Variants in FGGY observed in about 807,000 individuals in gnomAD.
FGGY encodes FGGY carbohydrate kinase domain containing, also known as FGGY carbohydrate kinase domain-containing protein.
FGGY carries 72 observed loss-of-function variants against 71.3 expected under a neutral mutation model. The observed-to-expected ratio is 1.01, with a 90% CI of 0.84 to 1.23. The LOEUF (loss-of-function observed/expected upper bound fraction) is 1.23, where lower values mean the gene tolerates loss of function less well. Among genes scored for constraint, FGGY ranks in the 50% most tolerant of loss-of-function variants. FGGY has a pLI of 0.00. For missense variants in FGGY, 668 were observed against 682.3 expected (o/e 0.98, Z 0.23); for synonymous variants, 251 against 250.3 (o/e 1.00, Z -0.02).
At chr1:59,627,455 TA>T (rs2096867877) in intron 10 of FGGY, among the ~76,000 whole-genome samples, 3 of 11,330 alleles carry the variant, frequency 2.6e-4, no homozygotes, top group Non-Finnish European at 1.5e-3. Context: ...CTTATGATTT[TA>T]TATATATATA....
chr1:59,483,217 G>A (rs960866798), intron 6 of FGGY, among the ~76,000 whole-genome samples: 12 of 152,166 alleles, frequency 7.9e-5, no homozygotes, highest in African/African-American at 2.9e-4. Context: ...TGCCAAGTTT[G>A]TTGGTTAGCC....
intron 6 of FGGY, among the ~76,000 whole-genome samples, chr1:59,484,684 A>G (rs563174786): frequency 3.9e-5 from 6 of 152,200 alleles, no homozygotes; most frequent in Non-Finnish European, 7.3e-5. Context: ...GATAATCCAT[A>G]ATTAATATGA....
chr1:59,734,957 G>A (rs1279750430), intron 14 of FGGY, among the ~76,000 whole-genome samples: 1 of 152,180 alleles, frequency 6.6e-6, no homozygotes, highest in Non-Finnish European at 1.5e-5. Flanking sequence ...GATAAGTTTG[G>A]TTTCTGCAAA....
chr1:59,727,730 G>A (rs2100823549), intron 14 of FGGY, among the ~76,000 whole-genome samples: 1 of 152,228 alleles, frequency 6.6e-6, no homozygotes, highest in Non-Finnish European at 1.5e-5. Flanking sequence ...AAAAGAGCCT[G>A]AATAGCCAAA....
At position 59,669,366 on chromosome 1, in the gene FGGY, C is replaced by T. The variant is rs189897395; in HGVS notation, c.1417+1963C>T. On this transcript the variant is annotated intron_variant, in intron 13 of 15. Coordinates refer to ENST00000303721, the MANE Select transcript of FGGY (RefSeq NM_018291.5). Reference sequence around the variant, plus strand: ...CGCCACTTTCCTGAGATGTCCAAAACCCTATAGAAGTGGGCCGTTCAAAGC... The same window carrying T: ...CGCCACTTTCCTGAGATGTCCAAAATCCTATAGAAGTGGGCCGTTCAAAGC... Among the ~76,000 whole-genome samples the T allele has an allele frequency of 2.2e-3, 335 of 152,100 alleles. 2 individuals carry two copies. The highest frequency in any genetic ancestry group is 2.6e-3 in the Non-Finnish European group (175 of 67,988).
At chr1:59,439,987 T>G (rs2069390720) in intron 5 of FGGY, among the ~76,000 whole-genome samples, 1 of 151,962 alleles carries the variant, frequency 6.6e-6, no homozygotes, top group Non-Finnish European at 1.5e-5. Flanking sequence ...TCAAATGATA[T>G]GTGGTGGTAT....
At chr1:59,456,882 C>T in intron 5 of FGGY, 79 bp from the exon 6 acceptor site, 1 of 874,254 alleles carries the variant, frequency 1.1e-6, no homozygotes. Flanking sequence ...CTGCAGATAC[C>T]TGGACGGGTA....
chr1:59,720,224 T>C (rs1312377455), intron 14 of FGGY, among the ~76,000 whole-genome samples: 3 of 152,212 alleles, frequency 2.0e-5, no homozygotes, highest in Admixed American at 6.5e-5. Flanking sequence ...ACTCACCCAA[T>C]GCATGCTTTG....
At chr1:59,553,962 G>C in intron 7 of FGGY, 162 bp from the exon 8 acceptor site, 1 of 504,904 alleles carries the variant, frequency 2.0e-6, no homozygotes, top group Non-Finnish European at 3.5e-6. Flanking sequence ...ATGCAGGCAA[G>C]TATGCCCTTT....
intron 1 of FGGY, among the ~76,000 whole-genome samples, chr1:59,312,502 T>C (rs2044531603): frequency 6.6e-6 from 1 of 152,216 alleles, no homozygotes; most frequent in African/African-American, 2.4e-5. Context: ...GAAGGCATTA[T>C]AAACAAGTAA....
At chr1:59,337,158 G>A (rs897379415) in intron 2 of FGGY, among the ~76,000 whole-genome samples, 1 of 151,448 alleles carries the variant, frequency 6.6e-6, no homozygotes, top group African/African-American at 2.4e-5. Context: ...AATGCCAGTA[G>A]TGTGGCTCAG....
chr1:59,340,734 A>T (rs1210973240), intron 3 of FGGY, among the ~76,000 whole-genome samples: 3 of 152,222 alleles, frequency 2.0e-5, no homozygotes, highest in Non-Finnish European at 4.4e-5. Flanking sequence ...TACAAACCCG[A>T]AAGTCTATTA....
intron 8 of FGGY, among the ~76,000 whole-genome samples, chr1:59,575,412 G>T (rs187254608): frequency 6.6e-6 from 1 of 152,094 alleles, no homozygotes; most frequent in Admixed American, 6.6e-5. Context: ...CTCCAGGATC[G>T]TCTGTGTCAC....
intron 14 of FGGY, among the ~76,000 whole-genome samples, chr1:59,744,284 G>A (rs962535393): frequency 5.9e-5 from 9 of 152,194 alleles, no homozygotes; most frequent in Admixed American, 1.3e-4. Context: ...GCAGTGGCAC[G>A]ATCTCGGCTC....
chr1:59,431,006 C>G (rs1305597760), intron 5 of FGGY, among the ~76,000 whole-genome samples: 1 of 152,130 alleles, frequency 6.6e-6, no homozygotes, highest in Admixed American at 6.5e-5. Flanking sequence ...TGATGGCATG[C>G]CTTCCATATC....
chr1:59,322,206 A>G (rs1213094050), intron 2 of FGGY, among the ~76,000 whole-genome samples: 5 of 152,050 alleles, frequency 3.3e-5, no homozygotes, highest in African/African-American at 9.7e-5. Flanking sequence ...AAGTTAGGTA[A>G]CTTACTCAAG....
intron 9 of FGGY, among the ~76,000 whole-genome samples, chr1:59,622,120 T>G (rs532027433): frequency 2.6e-5 from 4 of 152,174 alleles, no homozygotes; most frequent in South Asian, 4.1e-4. Flanking sequence ...TACTATATAT[T>G]TATTTCAGAT....
chr1:59,321,628 G>T lies in FGGY; in HGVS notation c.79G>T (p.Val27Leu). The T allele has an allele frequency of 6.2e-7, 1 of 1,613,826 alleles. No homozygotes were observed. The highest frequency in any genetic ancestry group is 1.7e-5 in the Admixed American group (1 of 60,000). Residue 27 changes from valine (V) to leucine (L), a missense_variant, in exon 2 of 16, where the codon GTG becomes TTG. Physicochemically the swap from Val to Leu is conservative, Grantham distance 32. Around this residue, in one of 2 missense-constraint regions of FGGY, gnomAD observed 661 missense variants for 661.6 expected, o/e 1.00. Transcript: ENST00000303721. ...AACAGGCAGTGTCCGTGCAGCTCTG[G>T]TGGACCAGAGTGGGGTCCTGTTGGC... ...VGTGSVRAAL[V>L]DQSGVLLAFA...
At chr1:59,509,499 C>T (rs565156114) in intron 6 of FGGY, among the ~76,000 whole-genome samples, 1 of 152,192 alleles carries the variant, frequency 6.6e-6, no homozygotes. Context: ...GATTACAAGG[C>T]CCTGCATCCA....
Sources: gnomAD v4.1 joint callset for allele counts (sites outside exome capture counted in the v4.1 genomes callset) on GRCh38, gnomAD v4.1.1 for gene constraint, gnomAD v4.1.1 regional missense constraint, MANE v1.5 for transcripts, NCBI Gene and HGNC (gene_info 2026-07-23, HGNC 2026-07-21) for gene names.